CDIN1: variants seen among roughly 807,000 people sequenced by gnomAD.
CDIN1 encodes CDAN1 interacting nuclease 1.
Under a neutral mutation model 45.3 loss-of-function variants are expected in CDIN1, and 33 were observed. That is an observed-to-expected ratio of 0.73 (90% CI 0.55 to 0.97). The LOEUF is 0.97. CDIN1 is among the 50% of genes least tolerant of loss of function. The pLI, the probability that CDIN1 is intolerant of heterozygous loss-of-function variation, is 0.00. For missense variants in CDIN1, 303 were observed against 339.4 expected (o/e 0.89, Z 0.84); for synonymous variants, 118 against 124.4 (o/e 0.95, Z 0.34).
At chr15:36,598,819 GTTTGTTTGTTTT>G (rs908860280) in intron 1 of CDIN1, among the ~76,000 whole-genome samples, 12 of 150,954 alleles carry the variant, frequency 7.9e-5, no homozygotes, top group Admixed American at 5.3e-4. Flanking sequence ...TTTTTTGTTT[GTTTGTTTGTTTT>G]TTTGTTTGTT....
intron 5 of CDIN1, among the ~76,000 whole-genome samples, chr15:36,659,934 G>A (rs1268948669): frequency 3.9e-5 from 5 of 127,306 alleles, no homozygotes; most frequent in South Asian, 2.6e-4. Flanking sequence ...TCTTTTCTTC[G>A]TCTTTTTCAT....
At chr15:36,680,638 C>A (rs2041818837) in intron 5 of CDIN1, among the ~76,000 whole-genome samples, 1 of 151,984 alleles carries the variant, frequency 6.6e-6, no homozygotes, top group African/African-American at 2.4e-5. Context: ...TTTGAACTCC[C>A]CAGGGGACAG....
chr15:36,664,777 A>G (rs1358914212), intron 5 of CDIN1, among the ~76,000 whole-genome samples: 1 of 152,048 alleles, frequency 6.6e-6, no homozygotes, highest in Non-Finnish European at 1.5e-5. Context: ...CGATCTCCTG[A>G]CCTCGTGATC....
chr15:36,770,441 G>GATGATT (rs978071978), intron 10 of CDIN1, among the ~76,000 whole-genome samples: 19 of 151,158 alleles, frequency 1.3e-4, no homozygotes, highest in African/African-American at 4.1e-4. Flanking sequence ...TGATGATGAT[G>GATGATT]ATTATTATTA....
chr15:36,788,126 T>G (rs2141077275), intron 10 of CDIN1, among the ~76,000 whole-genome samples: 1 of 132,700 alleles, frequency 7.5e-6, no homozygotes, highest in Non-Finnish European at 1.6e-5. Flanking sequence ...TTTTTTTTTT[T>G]TTTTTTTGAG....
chr15:36,740,624 C>T (rs1038354773), intron 10 of CDIN1, among the ~76,000 whole-genome samples: 5 of 152,172 alleles, frequency 3.3e-5, no homozygotes, highest in African/African-American at 7.2e-5. Flanking sequence ...CGCAGTGGCT[C>T]ACGCCTGTAA....
At position 36,809,493 on chromosome 15, in the gene CDIN1, C is replaced by T. The variant is rs1014841468; in HGVS notation, c.*1040C>T. The T allele has an allele frequency of 2.0e-5, 3 of 152,222 alleles. No homozygotes were observed. The highest frequency in any genetic ancestry group is 7.2e-5 in the African/African-American group (3 of 41,442). The allele number at this position is 152,222 out of a possible 1,614,324, so 9.4% of individuals were successfully genotyped here. A position where few individuals can be genotyped will look rare whatever the true frequency, so the allele number is the denominator to read the frequency against. ...TAAAGGAGATTTTTCTATTTGTTCA[C>T]TTTAATTTATTCACTTTTGTGTACT... On this transcript the variant is annotated 3_prime_UTR_variant, in exon 11 of 11. Coordinates refer to ENST00000566621, the MANE Select transcript of CDIN1 (RefSeq NM_001321759.2).
At chr15:36,655,769 A>G (rs1173066414) in intron 4 of CDIN1, among the ~76,000 whole-genome samples, 1 of 152,254 alleles carries the variant, frequency 6.6e-6, no homozygotes, top group Non-Finnish European at 1.5e-5. Flanking sequence ...CAGACACAGC[A>G]TCTAGAAAGA....
At chr15:36,602,621 T>A (rs147139836) in intron 1 of CDIN1, among the ~76,000 whole-genome samples, 3 of 152,312 alleles carry the variant, frequency 2.0e-5, no homozygotes, top group African/African-American at 4.8e-5. Flanking sequence ...AGATGTGAGA[T>A]GTGACTGTGA....
intron 10 of CDIN1, among the ~76,000 whole-genome samples, chr15:36,756,770 A>G (rs887908462): frequency 3.9e-5 from 6 of 152,166 alleles, no homozygotes; most frequent in Admixed American, 2.6e-4. Context: ...GCTATATGTA[A>G]CCACACTCCC....
intron 3 of CDIN1, chr15:36,647,702 AG>A (rs1566864019): frequency 2.0e-5 from 3 of 152,250 alleles, no homozygotes; most frequent in Non-Finnish European, 4.4e-5. Context: ...CCAGCAGATT[AG>A]AATAAAGCCA....
intron 10 of CDIN1, among the ~76,000 whole-genome samples, chr15:36,714,745 A>G (rs945524137): frequency 6.6e-6 from 1 of 152,108 alleles, no homozygotes. Context: ...GTACATTCCC[A>G]TGAACCACTG....
chr15:36,601,627 A>AAAC, intron 1 of CDIN1, among the ~76,000 whole-genome samples: 1 of 152,336 alleles, frequency 6.6e-6, no homozygotes, highest in East Asian at 1.9e-4. Flanking sequence ...CCATGAGGTC[A>AAAC]CAAATATGGC....
intron 1 of CDIN1, among the ~76,000 whole-genome samples, chr15:36,638,386 A>C (rs946987349): frequency 2.6e-5 from 4 of 152,216 alleles, no homozygotes; most frequent in African/African-American, 9.6e-5. Context: ...TATAAAATTA[A>C]CACTTACAGA....
chr15:36,702,334 A>G (rs2042675320), intron 8 of CDIN1, among the ~76,000 whole-genome samples: 1 of 152,168 alleles, frequency 6.6e-6, no homozygotes, highest in African/African-American at 2.4e-5. Flanking sequence ...CCCTTATTGA[A>G]TGTGCTTGTG....
intron 10 of CDIN1, among the ~76,000 whole-genome samples, chr15:36,788,067 ATT>A (rs1435896015): frequency 8.6e-6 from 1 of 116,264 alleles, no homozygotes. Context: ...TATGACGATA[ATT>A]TTATACATAT....
intron 1 of CDIN1, among the ~76,000 whole-genome samples, chr15:36,595,750 C>T (rs772448313): frequency 2.2e-4 from 34 of 152,278 alleles, no homozygotes; most frequent in Middle Eastern, 3.4e-3. Context: ...TGTTAGCATA[C>T]GCTGAAAACG....
intron 10 of CDIN1, among the ~76,000 whole-genome samples, chr15:36,770,837 T>A (rs1042889853): frequency 6.6e-6 from 1 of 152,202 alleles, no homozygotes; most frequent in African/African-American, 2.4e-5. Flanking sequence ...ACTAGAGCAG[T>A]GGCTCCCAAA....
At chr15:36,611,302 G>A (rs192126176) in intron 1 of CDIN1, among the ~76,000 whole-genome samples, 1 of 152,266 alleles carries the variant, frequency 6.6e-6, no homozygotes, top group African/African-American at 2.4e-5. Context: ...GAATATAAAA[G>A]TCTTGGGGAG....
Sources: gnomAD v4.1 joint callset for allele counts (sites outside exome capture counted in the v4.1 genomes callset) on GRCh38, gnomAD v4.1.1 for gene constraint, MANE v1.5 for transcripts, NCBI Gene and HGNC (gene_info 2026-07-23, HGNC 2026-07-21) for gene names.